The following NCOA1 variants were observed in gnomAD, a reference collection of about 807,000 sequenced individuals.
NCOA1 encodes Hin-2 protein.
Under a neutral mutation model 150.9 loss-of-function variants are expected in NCOA1, and 35 were observed. The observed-to-expected ratio is 0.23, with a 90% confidence interval of 0.18 to 0.31. The LOEUF (loss-of-function observed/expected upper bound fraction) is 0.31. NCOA1 is among the 10% of genes least tolerant of loss of function. The pLI, the probability that NCOA1 is intolerant of heterozygous loss-of-function variation, is 1.00. For synonymous variants in NCOA1, 590 were observed against 630.0 expected (o/e 0.94, Z 0.95); for missense variants, 1,491 against 1,749.3 (o/e 0.85, Z 2.63).
intron 8 of NCOA1, among the ~76,000 whole-genome samples, chr2:24,686,294 C>T (rs1391393679): frequency 6.6e-5 from 10 of 152,180 alleles, no homozygotes; most frequent in African/African-American, 1.7e-4. Flanking sequence ...TCAGCCACCA[C>T]GCCTGACCCT....
intron 1 of NCOA1, among the ~76,000 whole-genome samples, chr2:24,514,342 A>T (rs72803278): frequency 0.053 from 7,957 of 150,982 alleles, 294 homozygotes; most frequent in East Asian, 0.19. Context: ...AAAATAGCAA[A>T]ATTTTTTTAT....
chr2:24,742,323 G>C, intron 19 of NCOA1, 137 bp downstream of exon 19: 2 of 1,013,710 alleles, frequency 2.0e-6, no homozygotes, highest in African/African-American at 3.3e-5. Flanking sequence ...TGGAGACCCA[G>C]GATTCAGACT....
chr2:24,577,300 C>G (rs1667031408), intron 2 of NCOA1, among the ~76,000 whole-genome samples: 1 of 152,264 alleles, frequency 6.6e-6, no homozygotes, highest in East Asian at 1.9e-4. Context: ...TTTCTCAATT[C>G]AAACACTATT....
At chr2:24,496,749 C>T (rs1216177958) in intron 1 of NCOA1, among the ~76,000 whole-genome samples, 1 of 152,108 alleles carries the variant, frequency 6.6e-6, no homozygotes, top group African/African-American at 2.4e-5. Flanking sequence ...TAAGTCCATG[C>T]AGATGTAGTT....
At chr2:24,615,244 A>G (rs1367968581) in intron 3 of NCOA1, among the ~76,000 whole-genome samples, 1 of 152,186 alleles carries the variant, frequency 6.6e-6, no homozygotes, top group Non-Finnish European at 1.5e-5. Flanking sequence ...GCAGAATAAC[A>G]CAGTAGAAAT....
chr2:24,501,223 T>C (rs548029789), intron 1 of NCOA1, among the ~76,000 whole-genome samples: 28 of 152,254 alleles, frequency 1.8e-4, no homozygotes, highest in Non-Finnish European at 2.9e-4. Flanking sequence ...GTAATGGAGT[T>C]CTTTTGGTTT....
chr2:24,553,797 T>A (rs1466076093), intron 1 of NCOA1, among the ~76,000 whole-genome samples: 1 of 152,238 alleles, frequency 6.6e-6, no homozygotes, highest in African/African-American at 2.4e-5. Context: ...TATATTCTCA[T>A]AAAATGAATT....
chr2:24,558,967 G>T (rs1486390321), intron 1 of NCOA1, among the ~76,000 whole-genome samples: 1 of 152,036 alleles, frequency 6.6e-6, no homozygotes, highest in Admixed American at 6.6e-5. Flanking sequence ...TCCACTTGTG[G>T]TTGCATGCTT....
chr2:24,708,714 A>T (rs1486780508), intron 13 of NCOA1, among the ~76,000 whole-genome samples: 1 of 152,240 alleles, frequency 6.6e-6, no homozygotes, highest in Non-Finnish European at 1.5e-5. Flanking sequence ...TCCATTCTAA[A>T]GCATGAGTCA....
chr2:24,658,737 A>G lies in NCOA1; in HGVS notation c.60A>G (p.Lys20=). The G allele has an allele frequency of 6.2e-7, 1 of 1,614,106 alleles. No individual in the cohort carries two copies. Among genetic ancestry groups the G allele is most frequent in the Non-Finnish European group, 8.5e-7 (1 of 1,179,950 alleles). The change falls in exon 5 of 23, where the codon AAA becomes AAG. Residue 20 remains lysine, a synonymous_variant. Coordinates refer to ENST00000348332, the MANE Select transcript of NCOA1 (RefSeq NM_003743.5). ...DPANPDSHKR[K]GSPCDTLASS... Reference sequence around the variant, plus strand: ...CTAACCCAGACTCACATAAGAGGAAAGGATCGCCATGTGACACACTGGCAT... The same window carrying G: ...CTAACCCAGACTCACATAAGAGGAAGGGATCGCCATGTGACACACTGGCAT...
Position 24,562,760 on chromosome 2 carries a change from A to G in NCOA1, c.-395-1535A>G, listed in dbSNP as rs79641750. ...GTGAAGCTGAAGCAAGAAATAGCAT[A>G]CTATGTGGATTTATAGTTGGGGAGA... On this transcript the variant is annotated intron_variant, in intron 1 of 22. Transcript: ENST00000348332. Among the ~76,000 whole-genome samples, 206 of 152,298 alleles carry G rather than the reference A, an allele frequency of 1.4e-3. 4 individuals carry two copies. In the East Asian group the frequency reaches 0.035, roughly 26 times the overall value.
At chr2:24,556,325 T>A (rs928522416) in intron 1 of NCOA1, among the ~76,000 whole-genome samples, 11 of 152,244 alleles carry the variant, frequency 7.2e-5, no homozygotes, top group African/African-American at 2.7e-4. Context: ...AAAGACATGA[T>A]CTCATTCTGT....
At position 24,707,613 on chromosome 2, in the gene NCOA1, G is replaced by A. The variant is rs752190418; in HGVS notation, c.2143G>A (p.Ala715Thr). 1.9e-6 allele frequency: 3 copies of A among 1,614,192 alleles called. No homozygotes were observed. Among genetic ancestry groups the A allele is most frequent in the Non-Finnish European group, 2.5e-6 (3 of 1,180,036 alleles). The change falls in exon 13 of 23, where the codon GCA (alanine) becomes ACA (threonine). Residue 715 changes from alanine to threonine, a missense_variant. Ala to Thr is a moderately conservative substitution (Grantham distance 58). Around this residue, in one of 8 missense-constraint regions of NCOA1, gnomAD observed 703 missense variants for 717.7 expected, o/e 0.98. Coordinates refer to ENST00000348332, the MANE Select transcript of NCOA1 (RefSeq NM_003743.5). ...LSVEPDKKDS[A>T]STSVSVTGQV... ...TGTCGAGCCTGATAAAAAGGACAGT[G>A]CATCTACTTCTGTGTCAGTGACTGG...
chr2:24,743,069 A>G (rs762489522), intron 19 of NCOA1, among the ~76,000 whole-genome samples: 6 of 152,082 alleles, frequency 3.9e-5, no homozygotes, highest in Non-Finnish European at 8.8e-5. Context: ...TGTCACTTTC[A>G]GGTTCTGATA....
At chr2:24,759,381 T>G (rs56175173) in intron 21 of NCOA1, among the ~76,000 whole-genome samples, 1 of 152,210 alleles carries the variant, frequency 6.6e-6, no homozygotes, top group African/African-American at 2.4e-5. Flanking sequence ...CTAGGCAGGA[T>G]AGGAGTTGAA....
intron 1 of NCOA1, among the ~76,000 whole-genome samples, chr2:24,499,967 A>G (rs1040394196): frequency 2.0e-5 from 3 of 152,226 alleles, no homozygotes; most frequent in African/African-American, 4.8e-5. Context: ...ACCTTTAAAG[A>G]TAAGTCCTTT....
chr2:24,628,998 T>G (rs1178518086), intron 3 of NCOA1, among the ~76,000 whole-genome samples: 1 of 152,064 alleles, frequency 6.6e-6, no homozygotes, highest in Non-Finnish European at 1.5e-5. Flanking sequence ...GGCTTGGTGA[T>G]TGAATAAATA....
At chr2:24,585,361 T>G (rs1203411980) in intron 3 of NCOA1, among the ~76,000 whole-genome samples, 1 of 152,218 alleles carries the variant, frequency 6.6e-6, no homozygotes, top group Admixed American at 6.5e-5. Flanking sequence ...TTTTACTTTG[T>G]GATTTTTTTT....
intron 5 of NCOA1, among the ~76,000 whole-genome samples, chr2:24,662,602 T>A (rs1344406198): frequency 6.6e-6 from 1 of 152,192 alleles, no homozygotes; most frequent in African/African-American, 2.4e-5. Flanking sequence ...GCTAAAAGTA[T>A]ATACCAGGAA....
Sources: gnomAD v4.1 joint callset for allele counts (sites outside exome capture counted in the v4.1 genomes callset) on GRCh38, gnomAD v4.1.1 for gene constraint, gnomAD v4.1.1 regional missense constraint, MANE v1.5 for transcripts, NCBI Gene and HGNC (gene_info 2026-07-23, HGNC 2026-07-21) for gene names.